The following ADGRF3 variants were observed in gnomAD, a reference collection of about 807,000 sequenced individuals.
ADGRF3 encodes adhesion G protein-coupled receptor F3.
A neutral mutation model predicts 93.2 loss-of-function variants in ADGRF3; 85 were observed. That is an observed-to-expected ratio of 0.91 (90% CI 0.77 to 1.09). The LOEUF (loss-of-function observed/expected upper bound fraction) is 1.09, where lower values mean the gene tolerates loss of function less well. ADGRF3 is among the 50% of genes least tolerant of loss of function. The pLI is 0.00. For missense variants in ADGRF3, 1,125 were observed against 1,246.2 expected, an observed-to-expected ratio of 0.90 and a Z score of 1.46; for synonymous variants, 534 against 532.5, an observed-to-expected ratio of 1.00 and a Z score of -0.04.
intron 1 of ADGRF3, among the ~76,000 whole-genome samples, chr2:26,338,279 C>T (rs762460479): frequency 5.3e-5 from 8 of 151,834 alleles, no homozygotes; most frequent in Middle Eastern, 3.4e-3. Flanking sequence ...CTTGGGAGGC[C>T]AAGGTGGGAG....
At chr2:26,314,820 G>A (rs1477521386) in intron 5 of ADGRF3, 197 bp from the exon 6 acceptor site, 1 of 595,024 alleles carries the variant, frequency 1.7e-6, no homozygotes, top group Non-Finnish European at 3.0e-6. Flanking sequence ...GGAGGTAGAA[G>A]AGATCTCTCT....
In ADGRF3 at chr2:26,314,582, T is replaced by A. The variant is rs1674489576; in HGVS notation, c.760A>T (p.Asn254Tyr). Residue 254 changes from asparagine to tyrosine, a missense_variant, in exon 6 of 14, where the codon AAC becomes TAC. By Grantham distance (143) the Asn-to-Tyr change is moderately radical (BLOSUM62 -2). Coordinates refer to ENST00000651242, the MANE Select transcript of ADGRF3 (RefSeq NM_001321971.2). ...GGCACCCTCACCACCTCATACAGGT[T>A]CCACTTGAAGCCCTGGGCCTCGAAG... ...SCFEAQGFKW[N>Y]LYEVVRVPLK... 1.2e-6 allele frequency: 2 copies of A among 1,614,026 alleles called. No homozygotes were observed. The highest frequency in any genetic ancestry group is 8.5e-7 in the Non-Finnish European group (1 of 1,179,886).
chr2:26,333,783 G>C (rs1179563728), intron 1 of ADGRF3, among the ~76,000 whole-genome samples: 1 of 151,788 alleles, frequency 6.6e-6, no homozygotes, highest in Non-Finnish European at 1.5e-5. Context: ...AATTTAAAGG[G>C]CTGTACCTGT....
chr2:26,331,371 G>A (rs1675757293), intron 1 of ADGRF3, among the ~76,000 whole-genome samples: 1 of 152,090 alleles, frequency 6.6e-6, no homozygotes, highest in Non-Finnish European at 1.5e-5. Context: ...CCAACATGGC[G>A]AAACCCTGTC....
chr2:26,309,219 A>C, intron 13 of ADGRF3, 112 bp from the exon 14 acceptor site: 15 of 1,611,448 alleles, frequency 9.3e-6, no homozygotes, highest in Non-Finnish European at 1.3e-5. Flanking sequence ...CGTGACTCTC[A>C]TGATAATTAA....
intron 1 of ADGRF3, chr2:26,318,838 T>A (rs1320739978): frequency 4.1e-6 from 6 of 1,463,218 alleles, no homozygotes; most frequent in Non-Finnish European, 5.6e-6. Flanking sequence ...TCCTTACACA[T>A]TACTTCCTCT....
In ADGRF3 at chr2:26,319,593, T is replaced by C. The variant is rs190406268; in HGVS notation, c.115-2031A>G. Reference sequence around the variant, plus strand: ...TTCCTTCCTTCCTTCCTTCCTTCCTTCCTTCCTTCCTTCCTTCCTTCCTTT... The same window carrying C: ...TTCCTTCCTTCCTTCCTTCCTTCCTCCCTTCCTTCCTTCCTTCCTTCCTTT... On this transcript the variant is annotated intron_variant, in intron 1 of 13. Transcript: ENST00000651242. Among the ~76,000 whole-genome samples, 514 of 65,132 alleles carry C rather than the reference T, an allele frequency of 7.9e-3. 29 individuals are homozygous for C. Among genetic ancestry groups the C allele is most frequent in the Middle Eastern group, 0.032 (4 of 124 alleles). 42.7% of individuals were successfully genotyped at this position (65,132 alleles called of 152,430 possible). A position where few individuals can be genotyped will look rare whatever the true frequency, so the allele number is the denominator to read the frequency against.
intron 1 of ADGRF3, among the ~76,000 whole-genome samples, chr2:26,326,638 A>G: frequency 6.6e-6 from 1 of 152,180 alleles, no homozygotes; most frequent in East Asian, 1.9e-4. Context: ...GCCCTAGAGA[A>G]ATGTGTGTCA....
Position 26,311,842 on chromosome 2 carries a change from G to A in ADGRF3, c.1682C>T (p.Thr561Ile). The A allele has an allele frequency of 6.2e-7, 1 of 1,613,922 alleles. No individual in the cohort carries two copies. Among genetic ancestry groups the A allele is most frequent in the Non-Finnish European group, 8.5e-7 (1 of 1,179,848 alleles). Reference sequence around the variant, plus strand: ...AATCTGAGCCTGCAGTGGGGGCCGAGTAGGGAAGGAGATGCTGTAGTCAGC... The same window carrying A: ...AATCTGAGCCTGCAGTGGGGGCCGAATAGGGAAGGAGATGCTGTAGTCAGC... ...FPADYSISFPTRPPLQAQIPR... is the reference protein window; with the variant it reads ...FPADYSISFPIRPPLQAQIPR... Residue 561 changes from threonine (T) to isoleucine (I), a missense_variant, in exon 10 of 14, where the codon ACT becomes ATT. Physicochemically the swap from Thr to Ile is moderately conservative, Grantham distance 89. Transcript: ENST00000651242.
At chr2:26,312,168 C>G (rs1371240712) in intron 9 of ADGRF3, 94 bp from the exon 10 acceptor site, 1 of 1,258,886 alleles carries the variant, frequency 7.9e-7, no homozygotes, top group Non-Finnish European at 1.1e-6. Flanking sequence ...ACCTTCCCTT[C>G]CCAGTCCAGT....
intron 9 of ADGRF3, among the ~76,000 whole-genome samples, 185 bp downstream of exon 9, chr2:26,312,758 C>T (rs1674295461): frequency 6.6e-6 from 1 of 152,226 alleles, no homozygotes; most frequent in African/African-American, 2.4e-5. Flanking sequence ...CGCCAGGCCT[C>T]CATTCTGCAG....
At chr2:26,320,634 A>G (rs558386764) in intron 1 of ADGRF3, among the ~76,000 whole-genome samples, 9 of 152,366 alleles carry the variant, frequency 5.9e-5, no homozygotes, top group African/African-American at 1.9e-4. Context: ...TAATTATATT[A>G]AGTATTAAAA....
intron 1 of ADGRF3, among the ~76,000 whole-genome samples, chr2:26,319,984 T>C (rs1049277364): frequency 6.6e-6 from 1 of 152,202 alleles, no homozygotes; most frequent in Non-Finnish European, 1.5e-5. Flanking sequence ...CGGAAGGTTT[T>C]TTAAATTGAT....
At position 26,313,853 on chromosome 2, in the gene ADGRF3, G is replaced by A. The variant is rs545798721; in HGVS notation, c.979C>T (p.Arg327Cys). Residue 327 changes from arginine to cysteine, a missense_variant, in exon 7 of 14, where the codon CGC (arginine) becomes TGC (cysteine). Arg to Cys is a radical substitution (Grantham distance 180, BLOSUM62 -3). Coordinates refer to ENST00000651242, the MANE Select transcript of ADGRF3 (RefSeq NM_001321971.2). Reference protein sequence around the residue: ...GSQCFVLAVQRCPMADTTYAC... With the variant: ...GSQCFVLAVQCCPMADTTYAC... The stretch of plus-strand genomic sequence containing the variant: ...TACGTGGTGTCAGCCATCGGGCAGC[G>A]CTGAACAGCCAGCACAAAGCACTGA... 42 of 1,614,004 alleles carry A rather than the reference G, an allele frequency of 2.6e-5. No individual in the cohort carries two copies. The South Asian group carries it at 3.1e-4, about 12-fold the overall frequency.
At chr2:26,309,921 T>TC (rs1307056097) in intron 12 of ADGRF3, 122 bp downstream of exon 12, 2 of 1,600,856 alleles carry the variant, frequency 1.2e-6, no homozygotes, top group Non-Finnish European at 1.7e-6. Context: ...CTGTTCATTC[T>TC]AAAAAACAAC....
At chr2:26,313,686 G>A (rs936153156) in intron 7 of ADGRF3, 74 bp downstream of exon 7, 374 of 1,589,258 alleles carry the variant, frequency 2.4e-4, no homozygotes, top group Non-Finnish European at 3.0e-4. Flanking sequence ...GGGCAGAGAC[G>A]TGCCATGCAA....
Position 26,313,599 on chromosome 2 carries a change from T to G in ADGRF3, c.1073-26A>C, listed in dbSNP as rs1488470788. The G allele has an allele frequency of 1.9e-6, 3 of 1,590,192 alleles. No homozygotes were observed. In the South Asian group the frequency reaches 3.4e-5, roughly 18 times the overall value. ...CTGAAGAATGACGAGCAGGCGCTAC[T>G]CAGCAATCACAGCCTCACCTGAGCC... On this transcript the variant is annotated intron_variant, in intron 7 of 13. Coordinates refer to ENST00000651242, the MANE Select transcript of ADGRF3 (RefSeq NM_001321971.2).
At chr2:26,310,566 TA>T in intron 10 of ADGRF3, 125 bp downstream of exon 10, 3 of 1,018,406 alleles carry the variant, frequency 2.9e-6, no homozygotes, top group Non-Finnish European at 4.3e-6. Flanking sequence ...GATCCACACC[TA>T]AGCCTTCCAA....
intron 1 of ADGRF3, among the ~76,000 whole-genome samples, chr2:26,330,814 A>C (rs1675727959): frequency 6.6e-6 from 1 of 152,128 alleles, no homozygotes. Context: ...TACCAGAAGA[A>C]AAAATGTGAA....
Sources: gnomAD v4.1 joint callset for allele counts (sites outside exome capture counted in the v4.1 genomes callset) on GRCh38, gnomAD v4.1.1 for gene constraint, MANE v1.5 for transcripts, NCBI Gene and HGNC (gene_info 2026-07-23, HGNC 2026-07-21) for gene names.